The following DPPA3 variants were observed in gnomAD, a reference collection of about 807,000 sequenced individuals.
The protein encoded by DPPA3 is developmental pluripotency associated 3.
Under a neutral mutation model 15.6 loss-of-function variants are expected in DPPA3, and 9 were observed. The ratio of observed to expected loss-of-function variants is 0.58; its 90% confidence interval spans 0.35 to 1.01. The LOEUF (loss-of-function observed/expected upper bound fraction) is 1.01, where lower values mean the gene tolerates loss of function less well. Ranked by LOEUF, DPPA3 falls within the 50% of genes least tolerant of loss-of-function variation. The pLI is 0.02. For synonymous variants in DPPA3, 61 were observed against 70.9 expected, an observed-to-expected ratio of 0.86 and a Z score of 0.70; for missense variants, 148 against 194.6, an observed-to-expected ratio of 0.76 and a Z score of 1.42.
In DPPA3 at chr12:7,716,179, A is replaced by AT. The variant is rs774375713; in HGVS notation, c.328-18dup. ...TTTTTCTTGATAGTTTTCAATAAAC[A>AT]TATTTTTTTCCCATGAAGCATGAAA... On this transcript the variant is annotated intron_variant, in intron 2 of 3. Coordinates refer to ENST00000345088, the MANE Select transcript of DPPA3 (RefSeq NM_199286.4). 4 of 1,459,996 alleles carry AT rather than the reference A, an allele frequency of 2.7e-6. No homozygotes were observed. Among genetic ancestry groups the AT allele is most frequent in the African/African-American group, 1.7e-5 (1 of 58,638 alleles). 90.4% of individuals were successfully genotyped at this position (1,459,996 alleles called of 1,614,324 possible). A position where few individuals can be genotyped will look rare whatever the true frequency, so the allele number is the denominator to read the frequency against.
chr12:7,715,987 G>A (rs1864395135), intron 2 of DPPA3, among the ~76,000 whole-genome samples: 1 of 151,906 alleles, frequency 6.6e-6, no homozygotes, highest in Non-Finnish European at 1.5e-5. Flanking sequence ...CTGCTGTGGG[G>A]TGGGTGGCTG....
Position 7,711,651 on chromosome 12 carries a change from A to T in DPPA3, c.81A>T (p.Ser27=), listed in dbSNP as rs915992389. The change falls in exon 1 of 4, where the codon TCA becomes TCT. Residue 27 remains serine (S), a splice_region_variant and synonymous_variant. Coordinates refer to ENST00000345088, the MANE Select transcript of DPPA3 (RefSeq NM_199286.4). ...CCGAAGAAAATTCCCGGGACGATTC[A>T]GGTAAGCCAGATAATGCCCTTCTTG... ...MLTEENSRDD[S]GASQISSETL... 7.5e-6 allele frequency: 12 copies of T among 1,597,470 alleles called. No homozygotes were observed. Among genetic ancestry groups the T allele is most frequent in the Non-Finnish European group, 9.4e-6 (11 of 1,170,782 alleles).
chr12:7,711,717 CGTCTTTTTTTTT>C, intron 1 of DPPA3, 65 bp downstream of exon 1: 2 of 560,452 alleles, frequency 3.6e-6, no homozygotes, highest in Admixed American at 5.7e-5. Context: ...AAAAGGCTGC[CGTCTTTTTTTTT>C]TTTTTTTTTT....
At position 7,717,092 on chromosome 12, in the gene DPPA3, C is replaced by G. The variant is rs767002542; in HGVS notation, c.*15C>G. On this transcript the variant is annotated 3_prime_UTR_variant, in exon 4 of 4. Transcript: ENST00000345088. ...TTCAGCCATAAATCTTATTCTTGCACCTTTTTTTCTTGGTAGTAATTTTAT... is the reference window on the plus strand; with the variant it reads ...TTCAGCCATAAATCTTATTCTTGCAGCTTTTTTTCTTGGTAGTAATTTTAT... The G allele has an allele frequency of 6.4e-7, 1 of 1,560,150 alleles. No homozygotes were observed. Among genetic ancestry groups the G allele is most frequent in the Non-Finnish European group, 8.8e-7 (1 of 1,136,678 alleles).
Position 7,715,111 on chromosome 12 carries a change from A to T in DPPA3, c.83-72A>T, listed in dbSNP as rs1864383061. 1.7e-5 allele frequency: 27 copies of T among 1,604,330 alleles called. 1 individual carries two copies. The highest frequency in any genetic ancestry group is 3.3e-4 in the Middle Eastern group (2 of 5,986). On this transcript the variant is annotated intron_variant, in intron 1 of 3. Coordinates refer to ENST00000345088, the MANE Select transcript of DPPA3 (RefSeq NM_199286.4). ...CACACAGCGCCCTGTTCCCCTGCTT[A>T]AGGGCAGACCTAGTTGATGTGTGAA...
At chr12:7,712,841 TG>T (rs1234321199) in intron 1 of DPPA3, among the ~76,000 whole-genome samples, 3 of 152,184 alleles carry the variant, frequency 2.0e-5, no homozygotes, top group Non-Finnish European at 2.9e-5. Flanking sequence ...CTTGCGTAGC[TG>T]GGACTGCAGG....
chr12:7,713,512 A>G (rs1864367799), intron 1 of DPPA3, among the ~76,000 whole-genome samples: 2 of 152,196 alleles, frequency 1.3e-5, no homozygotes, highest in South Asian at 4.1e-4. Flanking sequence ...AAAACAAAAC[A>G]CACATACACG....
Position 7,711,628 on chromosome 12 carries a change from G to A in DPPA3, c.58G>A (p.Glu20Lys). Residue 20 changes from glutamate (E) to lysine (K), a missense_variant, in exon 1 of 4, where the codon GAA becomes AAA. By Grantham distance (56) the Glu-to-Lys change is moderately conservative. Coordinates refer to ENST00000345088, the MANE Select transcript of DPPA3 (RefSeq NM_199286.4). Reference protein sequence around the residue: ...YIPGSPQMLTEENSRDDSGAS... With the variant: ...YIPGSPQMLTKENSRDDSGAS... ...CCCAGGGTCTCCACAAATGCTCACC[G>A]AAGAAAATTCCCGGGACGATTCAGG... 1.2e-6 allele frequency: 2 copies of A among 1,607,462 alleles called. No individual in the cohort carries two copies.
At chr12:7,713,012 G>T (rs77977157) in intron 1 of DPPA3, among the ~76,000 whole-genome samples, 10,184 of 152,324 alleles carry the variant, frequency 0.067, 1,186 homozygotes, top group African/African-American at 0.23. Flanking sequence ...ACCGGAGGGC[G>T]GCTTATCTAG....
chr12:7,715,793 C>T (rs574384961), intron 2 of DPPA3, among the ~76,000 whole-genome samples: 12 of 151,424 alleles, frequency 7.9e-5, no homozygotes, highest in South Asian at 4.2e-4. Flanking sequence ...ACAAAACAAG[C>T]GTCTCAAAAA....
intron 1 of DPPA3, among the ~76,000 whole-genome samples, chr12:7,712,828 C>T (rs1004933698): frequency 6.6e-6 from 1 of 152,206 alleles, no homozygotes; most frequent in Non-Finnish European, 1.5e-5. Flanking sequence ...TTCAGTCCAT[C>T]CTCTTGCGTA....
intron 1 of DPPA3, among the ~76,000 whole-genome samples, chr12:7,712,077 G>GGCTAGTTTTTTTTTTTTTTTT (rs71038728): frequency 1.3e-5 from 1 of 77,978 alleles, no homozygotes; most frequent in Non-Finnish European, 2.5e-5. Flanking sequence ...CACCGCGCCC[G>GGCTAGTTTTTTTTTTTTTTTT]TTTTTTTTTT....
chr12:7,715,960 G>A lies in DPPA3; in HGVS notation c.328-238G>A, dbSNP rs137983303. Among the ~76,000 whole-genome samples the A allele has an allele frequency of 2.5e-3, 383 of 152,070 alleles. 3 individuals are homozygous for A. The highest frequency in any genetic ancestry group is 8.6e-3 in the African/African-American group (357 of 41,446). On this transcript the variant is annotated intron_variant, in intron 2 of 3. Coordinates refer to ENST00000345088, the MANE Select transcript of DPPA3 (RefSeq NM_199286.4). Reference sequence around the variant, plus strand: ...ATTAATTAGCTGGGTGTAGTGGTGCGTGCCTGTAAGTCCCAGCTGCTGTGG... The same window carrying A: ...ATTAATTAGCTGGGTGTAGTGGTGCATGCCTGTAAGTCCCAGCTGCTGTGG...
At chr12:7,715,490 C>G (rs770644477) in intron 2 of DPPA3, 63 bp downstream of exon 2, 14 of 1,610,440 alleles carry the variant, frequency 8.7e-6, no homozygotes, top group Non-Finnish European at 1.2e-5. Context: ...TAAATTAAGA[C>G]CTAATTAAGA....
At chr12:7,715,524 G>C (rs944275204) in intron 2 of DPPA3, 97 bp downstream of exon 2, 4 of 1,567,646 alleles carry the variant, frequency 2.6e-6, no homozygotes, top group East Asian at 2.3e-5. Context: ...GGCCCGGTGC[G>C]GTGGCTGAGG....
At chr12:7,715,806 G>C (rs1263114766) in intron 2 of DPPA3, among the ~76,000 whole-genome samples, 2 of 151,618 alleles carry the variant, frequency 1.3e-5, no homozygotes, top group African/African-American at 4.8e-5. Flanking sequence ...CTCAAAAAAA[G>C]ACTCCCAGCT....
At chr12:7,711,718 GTCTTTTTTTTT>G in intron 1 of DPPA3, 66 bp downstream of exon 1, 27 of 559,700 alleles carry the variant, frequency 4.8e-5, no homozygotes, top group Non-Finnish European at 6.0e-5. Context: ...AAAGGCTGCC[GTCTTTTTTTTT>G]TTTTTTTTTT....
At chr12:7,714,843 C>T (rs1207618279) in intron 1 of DPPA3, among the ~76,000 whole-genome samples, 1 of 151,678 alleles carries the variant, frequency 6.6e-6, no homozygotes, top group Admixed American at 6.6e-5. Context: ...CTCCCAAGTA[C>T]CTGGGACTAC....
chr12:7,713,917 G>A (rs936728232), intron 1 of DPPA3, among the ~76,000 whole-genome samples: 1 of 152,242 alleles, frequency 6.6e-6, no homozygotes, highest in Non-Finnish European at 1.5e-5. Context: ...GGACGCTGAG[G>A]TGGGAGGATC....
Sources: allele counts gnomAD v4.1 joint callset (sites outside exome capture counted in the v4.1 genomes callset), GRCh38; gene constraint gnomAD v4.1.1; transcripts MANE v1.5; gene names NCBI Gene and HGNC (gene_info 2026-07-23, HGNC 2026-07-21).